The following ST7 variants were observed in gnomAD, a reference collection of about 807,000 sequenced individuals.
ST7 encodes the protein suppression of tumorigenicity 7.
ST7 carries 28 observed loss-of-function variants against 78.7 expected under a neutral mutation model. The ratio of observed to expected loss-of-function variants is 0.36; its 90% confidence interval spans 0.26 to 0.49. The LOEUF (loss-of-function observed/expected upper bound fraction) is 0.49, where lower values mean the gene tolerates loss of function less well. ST7 is among the 20% of genes least tolerant of loss of function. The probability of loss-of-function intolerance (pLI) is 0.99; values close to 1 mark genes in which losing one functional copy is unlikely to be tolerated. For synonymous variants in ST7, 247 were observed against 249.6 expected (o/e 0.99, Z 0.10); for missense variants, 418 against 696.0 (o/e 0.60, Z 4.49).
chr7:117,203,062 A>C (rs1325103740), intron 12 of ST7, among the ~76,000 whole-genome samples: 1 of 152,194 alleles, frequency 6.6e-6, no homozygotes, highest in African/African-American at 2.4e-5. Flanking sequence ...AGTTGAAAAA[A>C]ATTTTGTATA....
chr7:117,198,452 C>G, intron 12 of ST7: 1 of 337,360 alleles, frequency 3.0e-6, no homozygotes, highest in East Asian at 8.9e-5. Context: ...CCCTCAGTGT[C>G]CCTTCAGGCC....
intron 1 of ST7, among the ~76,000 whole-genome samples, chr7:117,048,250 A>G (rs1421394797): frequency 1.3e-5 from 2 of 151,552 alleles, no homozygotes; most frequent in Non-Finnish European, 2.9e-5. Context: ...AGGCAGGGAC[A>G]TTCGGTATAA....
chr7:117,129,467 T>C (rs1804154939), intron 3 of ST7, among the ~76,000 whole-genome samples: 1 of 151,950 alleles, frequency 6.6e-6, no homozygotes, highest in Non-Finnish European at 1.5e-5. Flanking sequence ...CTTTTATCTA[T>C]AAGGTTTTAG....
At chr7:117,048,800 C>T (rs564858349) in intron 1 of ST7, among the ~76,000 whole-genome samples, 1 of 152,252 alleles carries the variant, frequency 6.6e-6, no homozygotes, top group Non-Finnish European at 1.5e-5. Flanking sequence ...TCCACACTTT[C>T]ATTATGTTCC....
At chr7:117,059,809 A>AC (rs1472705412) in intron 1 of ST7, among the ~76,000 whole-genome samples, 1 of 143,852 alleles carries the variant, frequency 7.0e-6, no homozygotes, top group African/African-American at 2.5e-5. Flanking sequence ...CATCTCTGCA[A>AC]AAAAAAAAAA....
At chr7:116,984,113 C>CTGTGTG (rs56178812) in intron 1 of ST7, among the ~76,000 whole-genome samples, 6,301 of 144,690 alleles carry the variant, frequency 0.044, 271 homozygotes, top group African/African-American at 0.1. Flanking sequence ...TTTATGTCAG[C>CTGTGTG]TGTGTGTGTG....
intron 1 of ST7, among the ~76,000 whole-genome samples, chr7:116,960,186 T>G (rs1462129702): frequency 2.6e-5 from 4 of 152,040 alleles, no homozygotes; most frequent in Admixed American, 2.6e-4. Flanking sequence ...TTCTTTTTTT[T>G]TTGTTTTGTT....
At chr7:116,972,564 C>T (rs772343391) in intron 1 of ST7, 179 of 1,402,278 alleles carry the variant, frequency 1.3e-4, no homozygotes, top group Non-Finnish European at 1.6e-4. Flanking sequence ...CTGCAATGTG[C>T]TTAGCTTCTT....
intron 1 of ST7, among the ~76,000 whole-genome samples, chr7:117,012,205 G>T (rs924014617): frequency 1.9e-4 from 29 of 152,016 alleles, no homozygotes; most frequent in African/African-American, 6.8e-4. Context: ...AATATAGAAA[G>T]AATTTTTATG....
At chr7:117,004,679 C>T (rs922226113) in intron 1 of ST7, among the ~76,000 whole-genome samples, 1 of 151,942 alleles carries the variant, frequency 6.6e-6, no homozygotes, top group African/African-American at 2.4e-5. Context: ...TAAATAAATA[C>T]ATACATACAT....
intron 12 of ST7, among the ~76,000 whole-genome samples, chr7:117,194,676 A>G (rs1219948731): frequency 2.0e-5 from 3 of 152,242 alleles, no homozygotes; most frequent in Admixed American, 6.5e-5. Flanking sequence ...ATGCTGGACA[A>G]ACAAAGGACT....
intron 1 of ST7, among the ~76,000 whole-genome samples, chr7:116,982,940 C>G (rs186300547): frequency 1.3e-5 from 2 of 151,990 alleles, no homozygotes; most frequent in Non-Finnish European, 2.9e-5. Context: ...CTCTTGTTGC[C>G]CAGGCTGGAG....
At chr7:117,166,854 G>A (rs570552465) in intron 9 of ST7, among the ~76,000 whole-genome samples, 8 of 151,162 alleles carry the variant, frequency 5.3e-5, no homozygotes, top group South Asian at 4.2e-4. Flanking sequence ...GCACCACTGC[G>A]CTCCAGACTG....
chr7:117,202,187 C>A lies in ST7; in HGVS notation c.1255-7600C>A. Among the ~76,000 whole-genome samples, 2 of 113,404 alleles carry A rather than the reference C, an allele frequency of 1.8e-5. 1 individual carries two copies. 74.4% of individuals were successfully genotyped at this position (113,404 alleles called of 152,430 possible). ...CCGTTTTAGCCGGGATGGTCTCGAT[C>A]TCCTGACCTCGTGATCCGCCCGCCT... On this transcript the variant is annotated intron_variant, in intron 12 of 15. Transcript: ENST00000323984.
chr7:117,069,502 G>A (rs1415721041), intron 1 of ST7, among the ~76,000 whole-genome samples: 3 of 152,162 alleles, frequency 2.0e-5, no homozygotes, highest in South Asian at 2.1e-4. Flanking sequence ...AGCTTGATAC[G>A]TAATTCAGTT....
rs189232997 is a variant in ST7, at chr7:116,957,249, A to G, written c.151+3558A>G. 12 of 152,436 alleles carry G rather than the reference A, an allele frequency of 7.9e-5. No homozygotes were observed. In the East Asian group the frequency reaches 2.3e-3, roughly 29 times the overall value. 9.4% of individuals were successfully genotyped at this position (152,436 alleles called of 1,614,324 possible). ...TCCACAGTATTCTCTTAGACCATACAGAGAAACCTTAACATTGGCAATCAC... is the reference window on the plus strand; with the variant it reads ...TCCACAGTATTCTCTTAGACCATACGGAGAAACCTTAACATTGGCAATCAC... On this transcript the variant is annotated intron_variant, in intron 1 of 15. Coordinates refer to ENST00000323984, the MANE Select transcript of ST7 (RefSeq NM_001369598.1).
intron 9 of ST7, among the ~76,000 whole-genome samples, chr7:117,143,996 C>T (rs1262817622): frequency 1.3e-5 from 2 of 152,088 alleles, no homozygotes; most frequent in Admixed American, 6.5e-5. Flanking sequence ...GTGCGTTTAC[C>T]TGTTGATATT....
intron 1 of ST7, among the ~76,000 whole-genome samples, chr7:117,024,975 G>A (rs886523585): frequency 1.3e-5 from 2 of 152,102 alleles, no homozygotes; most frequent in African/African-American, 4.8e-5. Flanking sequence ...GTTTTAATAG[G>A]GAGTATGGTA....
intron 14 of ST7, among the ~76,000 whole-genome samples, chr7:117,220,219 T>G (rs1792986694): frequency 6.6e-6 from 1 of 152,206 alleles, no homozygotes; most frequent in Admixed American, 6.5e-5. Flanking sequence ...CAGAACTCAA[T>G]GGCTGTCATC....
Sources: gnomAD v4.1 joint callset for allele counts (sites outside exome capture counted in the v4.1 genomes callset) on GRCh38, gnomAD v4.1.1 for gene constraint, MANE v1.5 for transcripts, NCBI Gene and HGNC (gene_info 2026-07-23, HGNC 2026-07-21) for gene names.